The following IPO11 variants were observed in gnomAD, a reference collection of about 807,000 sequenced individuals.
IPO11 encodes the protein importin-11.
Under a neutral mutation model 143.2 loss-of-function variants are expected in IPO11, and 66 were observed. That is an observed-to-expected ratio of 0.46 (90% CI 0.38 to 0.57). IPO11 has a LOEUF of 0.57. Among genes scored for constraint, IPO11 ranks in the 20% least tolerant of loss-of-function variants. The probability of loss-of-function intolerance (pLI) is 0.00; values close to 1 mark genes in which losing one functional copy is unlikely to be tolerated. For missense variants in IPO11, 1,026 were observed against 1,141.0 expected (o/e 0.90, Z 1.45); for synonymous variants, 385 against 377.8 (o/e 1.02, Z -0.22).
At chr5:62,541,242 A>G (rs962854107) in intron 24 of IPO11, among the ~76,000 whole-genome samples, 1 of 152,024 alleles carries the variant, frequency 6.6e-6, no homozygotes, top group Non-Finnish European at 1.5e-5. Context: ...ATGGTGCCAC[A>G]TGCCTGTAAT....
intron 2 of IPO11, among the ~76,000 whole-genome samples, chr5:62,441,164 G>A (rs532179193): frequency 1.3e-5 from 2 of 152,074 alleles, no homozygotes; most frequent in African/African-American, 2.4e-5. Flanking sequence ...AATGGTTAAT[G>A]TTGAGTTGAG....
chr5:62,506,122 C>T (rs918287703), intron 18 of IPO11, 119 bp from the exon 19 acceptor site: 1 of 527,112 alleles, frequency 1.9e-6, no homozygotes, highest in Non-Finnish European at 3.4e-6. Context: ...AAGCTTTTGG[C>T]TGTTTATTTG....
rs1743354101 is a variant in IPO11 at position 62,550,572 on chromosome 5, A to C, written c.2346+110A>C. ...TTTTCTTGTCATTTGGATCATATTA[A>C]ATTATGTTAAATTTTCAGGGCGGTT... On this transcript the variant is annotated intron_variant, in intron 25 of 29. Coordinates refer to ENST00000325324, the MANE Select transcript of IPO11 (RefSeq NM_016338.5). The C allele has an allele frequency of 4.4e-6, 3 of 679,042 alleles. No individual in the cohort carries two copies. In the East Asian group the frequency reaches 8.6e-5, roughly 19 times the overall value. The allele number at this position is 679,042 out of a possible 1,614,324, so 42.1% of individuals were successfully genotyped here. A position where few individuals can be genotyped will look rare whatever the true frequency, so the allele number is the denominator to read the frequency against.
intron 27 of IPO11, chr5:62,562,256 G>T (rs1002235611): frequency 3.9e-5 from 6 of 152,066 alleles, no homozygotes; most frequent in Non-Finnish European, 5.9e-5. Context: ...AATTCTAAAG[G>T]CTTAAAAGCA....
intron 1 of IPO11, among the ~76,000 whole-genome samples, chr5:62,435,152 G>A (rs796523531): frequency 0.087 from 4,838 of 55,620 alleles, 308 homozygotes; most frequent in East Asian, 0.14. Context: ...ATGTATATAT[G>A]TATATATATG....
At chr5:62,452,174 G>A (rs1444288189) in intron 5 of IPO11, among the ~76,000 whole-genome samples, 1 of 144,604 alleles carries the variant, frequency 6.9e-6, no homozygotes, top group Admixed American at 6.6e-5. Flanking sequence ...GAACCCAGGA[G>A]GTGGAGGTTG....
intron 1 of IPO11, among the ~76,000 whole-genome samples, chr5:62,419,476 C>T (rs979692076): frequency 1.3e-5 from 2 of 152,152 alleles, no homozygotes; most frequent in Admixed American, 6.5e-5. Flanking sequence ...CGCAAACACA[C>T]ACATTAACTC....
In IPO11 at chr5:62,449,910, CTTT is replaced by C. The variant is rs11329383; in HGVS notation, c.240-7_240-5del. ...GTGGCATTCTTTTGCATAATCAATA[CTTT>C]TTTTTTTTTACAGTGCTCTCTCAGA... On this transcript the variant is annotated splice_polypyrimidine_tract_variant and intron_variant, in intron 3 of 29. Coordinates refer to ENST00000325324, the MANE Select transcript of IPO11 (RefSeq NM_016338.5). 1.1e-4 allele frequency: 136 copies of C among 1,259,032 alleles called. No homozygotes were observed. Among genetic ancestry groups the C allele is most frequent in the Admixed American group, 2.9e-4 (12 of 41,646 alleles). 78.0% of individuals were successfully genotyped at this position (1,259,032 alleles called of 1,614,324 possible).
intron 29 of IPO11, among the ~76,000 whole-genome samples, chr5:62,602,610 T>C (rs1357911084): frequency 6.6e-6 from 1 of 152,204 alleles, no homozygotes; most frequent in African/African-American, 2.4e-5. Context: ...AAGAGTTAGC[T>C]GTCATTTTAA....
chr5:62,508,748 C>A (rs1741649106), intron 19 of IPO11, among the ~76,000 whole-genome samples: 1 of 152,058 alleles, frequency 6.6e-6, no homozygotes, highest in Non-Finnish European at 1.5e-5. Context: ...ATCCCTCCCC[C>A]AGCCCCGCAC....
chr5:62,421,694 T>G (rs1334880747), intron 1 of IPO11, among the ~76,000 whole-genome samples: 1 of 152,206 alleles, frequency 6.6e-6, no homozygotes, highest in African/African-American at 2.4e-5. Context: ...ATAGGAAAAT[T>G]ATATTTATTT....
At chr5:62,503,806 A>G (rs996869280) in intron 16 of IPO11, among the ~76,000 whole-genome samples, 6 of 152,244 alleles carry the variant, frequency 3.9e-5, no homozygotes, top group African/African-American at 1.4e-4. Context: ...TCAAGACCTC[A>G]GAAGCTCCTG....
rs1381169236 is a variant in IPO11 at position 62,422,915 on chromosome 5, G to A, written c.-7+9986G>A. Among the ~76,000 whole-genome samples the A allele has an allele frequency of 3.9e-5, 6 of 152,140 alleles. No homozygotes were observed. In the East Asian group the frequency reaches 1.2e-3, roughly 29 times the overall value. The stretch of plus-strand genomic sequence containing the variant: ...CGATGTATCTCAAGTGCCTAGACTA[G>A]TGTCTGGCATTTGCAGGTGTTCAGT... On this transcript the variant is annotated intron_variant, in intron 1 of 29. Transcript: ENST00000325324.
At chr5:62,529,090 G>A (rs944634310) in intron 21 of IPO11, among the ~76,000 whole-genome samples, 34 of 152,128 alleles carry the variant, frequency 2.2e-4, no homozygotes, top group African/African-American at 7.9e-4. Flanking sequence ...TTATGGGCTT[G>A]TTGTCATCTG....
intron 19 of IPO11, chr5:62,512,580 TTTG>T (rs1314272984): frequency 2.4e-4 from 136 of 559,840 alleles, no homozygotes; most frequent in South Asian, 6.6e-4. Flanking sequence ...AGGACTTTTT[TTTG>T]TTGTTGTTGT....
intron 24 of IPO11, among the ~76,000 whole-genome samples, chr5:62,547,344 C>T (rs1433423698): frequency 6.6e-6 from 1 of 152,074 alleles, no homozygotes; most frequent in Non-Finnish European, 1.5e-5. Flanking sequence ...TTCCCACAGG[C>T]ACCTCAAATT....
chr5:62,442,935 T>G (rs1382615365), intron 2 of IPO11, 48 bp from the exon 3 acceptor site: 2 of 1,068,724 alleles, frequency 1.9e-6, no homozygotes, highest in East Asian at 5.2e-5. Flanking sequence ...TTAATTATAC[T>G]TTTTACTTAT....
At chr5:62,614,084 TA>T (rs1312707511) in intron 29 of IPO11, among the ~76,000 whole-genome samples, 1 of 152,252 alleles carries the variant, frequency 6.6e-6, no homozygotes, top group Non-Finnish European at 1.5e-5. Flanking sequence ...GTGAACATCA[TA>T]TTAATCATCT....
rs936358661 is a variant in IPO11 at position 62,599,205 on chromosome 5, C to T, written c.2679-2559C>T. 2.0e-5 allele frequency among the ~76,000 whole-genome samples: 3 copies of T among 152,306 alleles called. No homozygotes were observed. In the South Asian group the frequency reaches 6.2e-4, roughly 32 times the overall value. ...GCTGAAAACTCAAGTTTGAGAATCG[C>T]TGATATTGGACATTAAGAAAATGAC... On this transcript the variant is annotated intron_variant, in intron 28 of 29. Transcript: ENST00000325324.
Sources: gnomAD v4.1 joint callset for allele counts (sites outside exome capture counted in the v4.1 genomes callset) on GRCh38, gnomAD v4.1.1 for gene constraint, MANE v1.5 for transcripts, NCBI Gene and HGNC (gene_info 2026-07-23, HGNC 2026-07-21) for gene names.